MALRD1: variants seen among roughly 807,000 people sequenced by gnomAD.
MALRD1 encodes MAM and LDL receptor class A domain containing 1.
In MALRD1, 247 loss-of-function variants were observed where a neutral mutation model predicts 242.1. The ratio of observed to expected loss-of-function variants is 1.02; its 90% CI spans 0.92 to 1.13. MALRD1 has a LOEUF of 1.13. Among genes scored for constraint, MALRD1 ranks in the 50% most tolerant of loss-of-function variants. The pLI is 0.00. For synonymous variants in MALRD1, 995 were observed against 866.6 expected (o/e 1.15, Z -2.60); for missense variants, 2,989 against 2,533.1 (o/e 1.18, Z -3.86).
intron 5 of MALRD1, 72 bp downstream of exon 5, chr10:19,104,147 A>G: frequency 7.3e-6 from 6 of 818,956 alleles, no homozygotes; most frequent in Non-Finnish European, 9.8e-6. Context: ...CATTGTGATG[A>G]CTTTAATCTG....
chr10:19,099,774 T>C (rs981557692), intron 4 of MALRD1, among the ~76,000 whole-genome samples: 2 of 149,084 alleles, frequency 1.3e-5, no homozygotes, highest in Non-Finnish European at 3.0e-5. Flanking sequence ...TTTTTTTTAA[T>C]TTTTTTTGCC....
At chr10:19,614,378 G>T (rs1000615543) in intron 35 of MALRD1, among the ~76,000 whole-genome samples, 1 of 151,870 alleles carries the variant, frequency 6.6e-6, no homozygotes, top group Non-Finnish European at 1.5e-5. Flanking sequence ...GAATAAATTT[G>T]TTCGATTAAA....
chr10:19,435,122 ATATTTTATAATATATATTT>A (rs1834298887), intron 28 of MALRD1, among the ~76,000 whole-genome samples: 1 of 149,192 alleles, frequency 6.7e-6, no homozygotes. Flanking sequence ...TATACATAAT[ATATTTTATAATATATATTT>A]TATTTTATAA....
intron 26 of MALRD1, 86 bp downstream of exon 26, chr10:19,352,383 A>T: frequency 8.6e-7 from 1 of 1,158,714 alleles, no homozygotes; most frequent in Non-Finnish European, 1.2e-6. Flanking sequence ...AAATAGCATA[A>T]ACACCTAGTA....
At chr10:19,239,208 G>A (rs1029371353) in intron 18 of MALRD1, among the ~76,000 whole-genome samples, 37 of 151,904 alleles carry the variant, frequency 2.4e-4, no homozygotes, top group African/African-American at 8.7e-4. Context: ...ACAGGCACAC[G>A]CCATCATGTT....
At chr10:19,671,160 G>A (rs1378243533) in intron 36 of MALRD1, among the ~76,000 whole-genome samples, 1 of 151,878 alleles carries the variant, frequency 6.6e-6, no homozygotes, top group African/African-American at 2.4e-5. Context: ...ACACACTGTG[G>A]AATGTACAAT....
At chr10:19,694,479 T>C (rs1212184633) in intron 38 of MALRD1, among the ~76,000 whole-genome samples, 1 of 152,166 alleles carries the variant, frequency 6.6e-6, no homozygotes, top group Non-Finnish European at 1.5e-5. Flanking sequence ...AAAATGCTCA[T>C]CATCACTGGC....
chr10:19,237,927 T>A (rs796639595), intron 18 of MALRD1, among the ~76,000 whole-genome samples: 56 of 25,552 alleles, frequency 2.2e-3, no homozygotes, highest in East Asian at 8.5e-3. Flanking sequence ...TATAATTATA[T>A]GTAATTTTAT....
chr10:19,692,471 C>A lies in MALRD1; in HGVS notation c.6231C>A (p.Leu2077=). The A allele has an allele frequency of 4.6e-6, 7 of 1,535,668 alleles. No homozygotes were observed. Among genetic ancestry groups the A allele is most frequent in the Non-Finnish European group, 6.1e-6 (7 of 1,146,486 alleles). ...TTAAAATTCCAGATACATGGACTCT[C>A]CTGGGTATTGGATTAGCATTCCTGA... ...FTYAQNNTWT[L]LGIGLAFLMT... The change falls in exon 38 of 40, where the codon CTC becomes CTA. Residue 2077 remains leucine, a synonymous_variant. Transcript: ENST00000454679.
chr10:19,642,028 G>A (rs1035195333), intron 36 of MALRD1, among the ~76,000 whole-genome samples: 1 of 152,034 alleles, frequency 6.6e-6, no homozygotes, highest in Non-Finnish European at 1.5e-5. Context: ...TGATCATTTG[G>A]AGAATATTTC....
intron 28 of MALRD1, among the ~76,000 whole-genome samples, chr10:19,447,057 CACACAT>C (rs1161011647): frequency 5.2e-4 from 50 of 96,666 alleles, no homozygotes; most frequent in Non-Finnish European, 8.6e-4. Context: ...CACACACACA[CACACAT>C]ACACAGACAC....
intron 28 of MALRD1, among the ~76,000 whole-genome samples, chr10:19,395,638 T>C (rs923425879): frequency 6.6e-6 from 1 of 152,230 alleles, no homozygotes; most frequent in African/African-American, 2.4e-5. Context: ...AGATTTATTT[T>C]CTTTTCACAA....
chr10:19,099,749 C>CTA (rs1051105680), intron 4 of MALRD1, among the ~76,000 whole-genome samples: 32 of 107,742 alleles, frequency 3.0e-4, no homozygotes, highest in African/African-American at 1.1e-3. Flanking sequence ...TCCATAGAAC[C>CTA]TATATATATA....
intron 36 of MALRD1, among the ~76,000 whole-genome samples, chr10:19,672,411 C>CTTTTT (rs200485712): frequency 1.1e-4 from 14 of 125,548 alleles, no homozygotes; most frequent in African/African-American, 1.6e-4. Context: ...AGATATATAG[C>CTTTTT]TTTTTTTTTT....
intron 34 of MALRD1, among the ~76,000 whole-genome samples, chr10:19,607,082 C>G (rs535938835): frequency 1.3e-5 from 2 of 152,198 alleles, no homozygotes; most frequent in African/African-American, 4.8e-5. Flanking sequence ...GGACACTTTT[C>G]GAAACAACCA....
intron 9 of MALRD1, 122 bp downstream of exon 9, chr10:19,134,070 A>G (rs1833227002): frequency 4.9e-6 from 2 of 408,578 alleles, no homozygotes; most frequent in Non-Finnish European, 8.3e-6. Flanking sequence ...GTGCTTGTAT[A>G]TTTGGGGAGA....
At chr10:19,159,009 A>G (rs1834283366) in intron 12 of MALRD1, among the ~76,000 whole-genome samples, 1 of 152,220 alleles carries the variant, frequency 6.6e-6, no homozygotes, top group African/African-American at 2.4e-5. Context: ...GATGGATTCT[A>G]GAGGAAGCAA....
chr10:19,307,955 A>C (rs1419251154), intron 21 of MALRD1, among the ~76,000 whole-genome samples: 1 of 151,522 alleles, frequency 6.6e-6, no homozygotes, highest in Non-Finnish European at 1.5e-5. Flanking sequence ...GTTTTGATAC[A>C]GGCATGAAAT....
intron 14 of MALRD1, among the ~76,000 whole-genome samples, chr10:19,202,691 G>A (rs781094274): frequency 6.6e-6 from 1 of 152,066 alleles, no homozygotes; most frequent in Non-Finnish European, 1.5e-5. Flanking sequence ...GAATTTCAGT[G>A]TAATCATCAT....
Sources: allele counts gnomAD v4.1 joint callset (sites outside exome capture counted in the v4.1 genomes callset), GRCh38; gene constraint gnomAD v4.1.1; transcripts MANE v1.5; gene names NCBI Gene and HGNC (gene_info 2026-07-23, HGNC 2026-07-21).